CNTN4: variants seen among roughly 807,000 people sequenced by gnomAD.
CNTN4 encodes the protein contactin 4.
Under a neutral mutation model 122.5 loss-of-function variants are expected in CNTN4, and 77 were observed. The ratio of observed to expected loss-of-function variants is 0.63; its 90% CI spans 0.52 to 0.76. CNTN4 has a LOEUF of 0.76. Among genes scored for constraint, CNTN4 ranks in the 30% least tolerant of loss-of-function variants. The probability of loss-of-function intolerance (pLI) is 0.00; values close to 1 mark genes in which losing one functional copy is unlikely to be tolerated. For missense variants in CNTN4, 1,256 were observed against 1,259.1 expected (o/e 1.00, Z 0.04); for synonymous variants, 512 against 447.0 (o/e 1.15, Z -1.83).
chr3:2,671,514 A>T lies in CNTN4; in HGVS notation c.56-64701A>T, dbSNP rs141010739. On this transcript the variant is annotated intron_variant, in intron 4 of 24. Coordinates refer to ENST00000418658, the MANE Select transcript of CNTN4 (RefSeq NM_175607.3). ...ATGTAATCTTTTTTCAAGGTTTTTA[A>T]CTTCTTTGCCATGGTTTCAAACTTC... Among the ~76,000 whole-genome samples, 67 of 152,138 alleles carry T rather than the reference A, an allele frequency of 4.4e-4. No individual in the cohort carries two copies. The East Asian group carries it at 0.013, about 29-fold the overall frequency.
intron 3 of CNTN4, among the ~76,000 whole-genome samples, chr3:2,400,354 G>A (rs1286715130): frequency 4.8e-5 from 7 of 145,166 alleles, no homozygotes; most frequent in Non-Finnish European, 1.1e-4. Context: ...ATATATATAT[G>A]TGGGTGGGTG....
chr3:2,668,890 C>T (rs936810475), intron 4 of CNTN4, among the ~76,000 whole-genome samples: 4 of 152,082 alleles, frequency 2.6e-5, no homozygotes, highest in South Asian at 2.1e-4. Context: ...TGCTGGATTA[C>T]GTTTATTGAT....
intron 6 of CNTN4, among the ~76,000 whole-genome samples, chr3:2,755,251 C>G (rs910469415): frequency 6.6e-6 from 1 of 152,144 alleles, no homozygotes; most frequent in African/African-American, 2.4e-5. Flanking sequence ...GGCCTGACTA[C>G]TTTTTAATTT....
chr3:2,940,494 G>T (rs1336007522), intron 13 of CNTN4, among the ~76,000 whole-genome samples: 2 of 152,210 alleles, frequency 1.3e-5, no homozygotes, highest in Non-Finnish European at 2.9e-5. Context: ...TAGATATACT[G>T]CAAGAGAGTG....
At chr3:3,021,369 C>T (rs1412663619) in intron 14 of CNTN4, among the ~76,000 whole-genome samples, 1 of 152,198 alleles carries the variant, frequency 6.6e-6, no homozygotes, top group East Asian at 1.9e-4. Flanking sequence ...AATCAACACT[C>T]TTTGCTGTGG....
intron 4 of CNTN4, among the ~76,000 whole-genome samples, chr3:2,682,156 G>A (rs887287826): frequency 1.3e-4 from 20 of 152,178 alleles, no homozygotes; most frequent in African/African-American, 4.1e-4. Context: ...ATGAGTACCT[G>A]TTGTCTACAG....
At chr3:2,908,213 A>G (rs1201086244) in intron 12 of CNTN4, among the ~76,000 whole-genome samples, 1 of 152,226 alleles carries the variant, frequency 6.6e-6, no homozygotes, top group East Asian at 1.9e-4. Context: ...TTCTATACGT[A>G]ACTTAAAAAG....
At chr3:2,319,806 G>C (rs1036598125) in intron 2 of CNTN4, among the ~76,000 whole-genome samples, 1 of 152,126 alleles carries the variant, frequency 6.6e-6, no homozygotes, top group Non-Finnish European at 1.5e-5. Flanking sequence ...TACCCTCCTC[G>C]TTGTTCAAGG....
At chr3:2,409,049 G>A (rs1203049087) in intron 3 of CNTN4, among the ~76,000 whole-genome samples, 2 of 152,046 alleles carry the variant, frequency 1.3e-5, no homozygotes, top group African/African-American at 4.8e-5. Flanking sequence ...TTTTACATTT[G>A]CGTTGTTGAA....
At chr3:2,774,204 T>A (rs1205988728) in intron 6 of CNTN4, among the ~76,000 whole-genome samples, 1 of 152,022 alleles carries the variant, frequency 6.6e-6, no homozygotes. Context: ...GAGGTTGCAG[T>A]GAGCCAAGAT....
intron 24 of CNTN4, among the ~76,000 whole-genome samples, chr3:3,055,457 C>A (rs1002869546): frequency 2.0e-5 from 3 of 152,122 alleles, no homozygotes; most frequent in Non-Finnish European, 4.4e-5. Flanking sequence ...AGAGATTTTT[C>A]ATCATGTTGG....
intron 3 of CNTN4, among the ~76,000 whole-genome samples, chr3:2,348,932 T>G (rs1559475146): frequency 6.6e-6 from 1 of 152,192 alleles, no homozygotes; most frequent in Non-Finnish European, 1.5e-5. Context: ...AATCAGCAGT[T>G]GAAACTATAT....
chr3:2,604,303 C>A lies in CNTN4; in HGVS notation c.55+32745C>A, dbSNP rs79937381. On this transcript the variant is annotated intron_variant, in intron 4 of 24. Transcript: ENST00000418658. ...TGATGCCTCTTCCTGTGACCCTCCT[C>A]TGAACTTTTGTGTATCCTAGTCACC... Among the ~76,000 whole-genome samples, 954 of 152,234 alleles carry A rather than the reference C, an allele frequency of 6.3e-3. 15 individuals are homozygous for A. The highest frequency in any genetic ancestry group is 0.022 in the African/African-American group (902 of 41,534).
At chr3:2,119,123 A>G (rs1466807891) in intron 2 of CNTN4, among the ~76,000 whole-genome samples, 1 of 152,200 alleles carries the variant, frequency 6.6e-6, no homozygotes, top group Non-Finnish European at 1.5e-5. Context: ...GGGCCTTCAG[A>G]AAAAAACTGA....
intron 4 of CNTN4, among the ~76,000 whole-genome samples, chr3:2,624,143 T>C (rs1190430928): frequency 6.6e-6 from 1 of 152,194 alleles, no homozygotes; most frequent in Non-Finnish European, 1.5e-5. Flanking sequence ...AATTTAAAAA[T>C]ACTTTTAAAA....
At chr3:2,515,922 A>T (rs2077027505) in intron 3 of CNTN4, among the ~76,000 whole-genome samples, 1 of 152,104 alleles carries the variant, frequency 6.6e-6, no homozygotes, top group Non-Finnish European at 1.5e-5. Flanking sequence ...ATATATACAC[A>T]CACACTTATA....
chr3:2,396,374 C>T (rs1559516562), intron 3 of CNTN4, among the ~76,000 whole-genome samples: 1 of 152,094 alleles, frequency 6.6e-6, no homozygotes, highest in African/African-American at 2.4e-5. Flanking sequence ...TAGATTGGAC[C>T]TATAATGTCT....
intron 2 of CNTN4, among the ~76,000 whole-genome samples, chr3:2,239,344 G>A (rs1300682259): frequency 6.6e-6 from 1 of 152,156 alleles, no homozygotes; most frequent in African/African-American, 2.4e-5. Flanking sequence ...GTATAACATT[G>A]AGTCCTAACT....
At chr3:3,016,872 G>A (rs1697807968) in intron 14 of CNTN4, among the ~76,000 whole-genome samples, 2 of 152,126 alleles carry the variant, frequency 1.3e-5, no homozygotes. Context: ...TTCCACTCAG[G>A]GGCGATTTGT....
Sources: gnomAD v4.1 joint callset for allele counts (sites outside exome capture counted in the v4.1 genomes callset) on GRCh38, gnomAD v4.1.1 for gene constraint, MANE v1.5 for transcripts, NCBI Gene and HGNC (gene_info 2026-07-23, HGNC 2026-07-21) for gene names.